Variants in PRDM2 observed in about 807,000 individuals in gnomAD.
PRDM2 encodes the protein PR domain zinc finger protein 2.
A neutral mutation model predicts 130.0 loss-of-function variants in PRDM2; 30 were observed. The ratio of observed to expected loss-of-function variants is 0.23; its 90% CI spans 0.17 to 0.31. The LOEUF (loss-of-function observed/expected upper bound fraction) is 0.31, where lower values mean the gene tolerates loss of function less well. Among genes scored for constraint, PRDM2 ranks in the 10% least tolerant of loss-of-function variants. The pLI is 1.00. For missense variants in PRDM2, 2,011 were observed against 2,108.4 expected, an observed-to-expected ratio of 0.95 and a Z score of 0.90; for synonymous variants, 871 against 782.4, an observed-to-expected ratio of 1.11 and a Z score of -1.89.
chr1:13,775,837 C>T (rs1388282555), intron 7 of PRDM2, among the ~76,000 whole-genome samples: 2 of 152,186 alleles, frequency 1.3e-5, no homozygotes, highest in South Asian at 2.1e-4. Context: ...CAGTCTTGCT[C>T]CTCGGCCTCC....
At chr1:13,798,078 G>A (rs1481862202) in intron 8 of PRDM2, among the ~76,000 whole-genome samples, 1 of 152,182 alleles carries the variant, frequency 6.6e-6, no homozygotes, top group Non-Finnish European at 1.5e-5. Flanking sequence ...ATTTCTGAGT[G>A]TCGTAGGTAA....
rs866591523 is a variant in PRDM2 at position 13,781,029 on chromosome 1, C to T, written c.3234C>T (p.Leu1078=). 3 of 1,609,146 alleles carry T rather than the reference C, an allele frequency of 1.9e-6. No individual in the cohort carries two copies. The African/African-American group carries it at 4.0e-5, about 22-fold the overall frequency. Residue 1078 remains leucine (L), a synonymous_variant, in exon 8 of 10, where the codon CTC becomes CTT. Coordinates refer to ENST00000311066, the MANE Select transcript of PRDM2 (RefSeq NM_001393986.1). This position sits in a 1 kb window ranked among gnomAD's most constrained non-coding sequence, Gnocchi z 6.1. ...CCTCTTCTCCTTCTCCACCTCCTCT[C>T]TCCGCAATATCATCTGTTGTTTCCT... ...SSSSSPSPPP[L]SAISSVVSSG...
At chr1:13,786,050 G>T (rs1644730941) in intron 8 of PRDM2, among the ~76,000 whole-genome samples, 1 of 151,864 alleles carries the variant, frequency 6.6e-6, no homozygotes, top group Non-Finnish European at 1.5e-5. Context: ...GTGTTAGCCA[G>T]GATGGTCTCG....
rs751309822 is a variant in PRDM2 at position 13,781,215 on chromosome 1, A to T, written c.3420A>T (p.Glu1140Asp). 3.1e-6 allele frequency: 5 copies of T among 1,614,094 alleles called. No homozygotes were observed. The Admixed American group carries it at 8.3e-5, about 27-fold the overall frequency. Reference sequence around the variant, plus strand: ...AAAACTTTGTTTGCAACGTCTGTGAATCACCTTTTCTTTCCATTAAAGATC... The same window carrying T: ...AAAACTTTGTTTGCAACGTCTGTGATTCACCTTTTCTTTCCATTAAAGATC... ...FNKNFVCNVC[E>D]SPFLSIKDLT... The change falls in exon 8 of 10, where the codon GAA (glutamate) becomes GAT (aspartate). Residue 1140 changes from glutamate (E) to aspartate (D), a missense_variant. By Grantham distance (45) the Glu-to-Asp change is conservative. This residue lies in a region of PRDM2 where 229 missense variants were observed against 364.1 expected (regional missense o/e 0.63). Transcript: ENST00000311066. This position sits in a 1 kb window ranked among gnomAD's most constrained non-coding sequence, Gnocchi z 6.1.
chr1:13,808,463 C>CA (rs58838331), intron 8 of PRDM2, among the ~76,000 whole-genome samples: 5,887 of 58,168 alleles, frequency 0.1, 444 homozygotes, highest in African/African-American at 0.25. Context: ...GACTCTGTCT[C>CA]AAAAAAAAAA....
chr1:13,818,994 C>T (rs1038224679), intron 9 of PRDM2, among the ~76,000 whole-genome samples: 17 of 152,162 alleles, frequency 1.1e-4, no homozygotes, highest in African/African-American at 3.6e-4. Context: ...AGACATAGGA[C>T]GTGGCTAGGG....
rs1389584094 is a variant in PRDM2, at chr1:13,760,448, G to C, written c.511+10961G>C. ...TCAGTACTTTGAAAATGGATAGCTT[G>C]TTTAAAATGAGCCTGGAGTGTGCGT... On this transcript the variant is annotated intron_variant, in intron 6 of 9. Coordinates refer to ENST00000311066, the MANE Select transcript of PRDM2 (RefSeq NM_001393986.1). Among the ~76,000 whole-genome samples, 3 of 152,300 alleles carry C rather than the reference G, an allele frequency of 2.0e-5. No individual in the cohort carries two copies. In the East Asian group the frequency reaches 5.8e-4, roughly 29 times the overall value.
rs796943881 is a variant in PRDM2, at chr1:13,787,052, T to C, written c.5036+4221T>C. ...GCTGATCTCTTACCCCTGGTATTTC[T>C]TTTTTTTGTTGTTTTCGTTTTTTTA... On this transcript the variant is annotated intron_variant, in intron 8 of 9. Transcript: ENST00000311066. 53 of 984,654 alleles carry C rather than the reference T, an allele frequency of 5.4e-5. No homozygotes were observed. In the African/African-American group the frequency reaches 8.2e-4, roughly 15 times the overall value. The allele number at this position is 984,654 out of a possible 1,614,324, so 61.0% of individuals were successfully genotyped here. A position where few individuals can be genotyped will look rare whatever the true frequency, so the allele number is the denominator to read the frequency against.
intron 8 of PRDM2, among the ~76,000 whole-genome samples, chr1:13,807,825 G>A (rs574702844): frequency 6.6e-6 from 1 of 152,296 alleles, no homozygotes; most frequent in South Asian, 2.1e-4. Context: ...ATTCTGACAA[G>A]TAAGAAATTA....
intron 2 of PRDM2, among the ~76,000 whole-genome samples, chr1:13,718,339 A>G (rs1012300347): frequency 6.6e-6 from 1 of 152,198 alleles, no homozygotes; most frequent in Non-Finnish European, 1.5e-5. Flanking sequence ...TTGTTGATAT[A>G]TGCCTGACAG....
intron 6 of PRDM2, among the ~76,000 whole-genome samples, chr1:13,750,190 A>G (rs1216664190): frequency 4.0e-5 from 6 of 151,832 alleles, no homozygotes; most frequent in Non-Finnish European, 8.8e-5. Flanking sequence ...GGAGGGGATA[A>G]TTTCTGGGTA....
At chr1:13,738,152 T>C (rs1246237271) in intron 4 of PRDM2, among the ~76,000 whole-genome samples, 1 of 152,218 alleles carries the variant, frequency 6.6e-6, no homozygotes, top group Non-Finnish European at 1.5e-5. Context: ...ATAATATTGT[T>C]AGAATATTAG....
intron 8 of PRDM2, among the ~76,000 whole-genome samples, chr1:13,804,503 T>A (rs1302636271): frequency 6.6e-6 from 1 of 152,168 alleles, no homozygotes; most frequent in Non-Finnish European, 1.5e-5. Flanking sequence ...GGCGTCTGCA[T>A]GCAGATGCCT....
rs183493416 is a variant in PRDM2 at position 13,809,367 on chromosome 1, T to C, written c.5037-7060T>C. Among the ~76,000 whole-genome samples the C allele has an allele frequency of 1.9e-3, 289 of 151,978 alleles. 2 individuals carry two copies. The highest frequency in any genetic ancestry group is 2.5e-3 in the Non-Finnish European group (173 of 67,956). ...GGCGAGAGGTGGTCCCCGACAGTGG[T>C]AGAAGAGGAAGGAAGGCGGACTCGA... On this transcript the variant is annotated intron_variant, in intron 8 of 9. Coordinates refer to ENST00000311066, the MANE Select transcript of PRDM2 (RefSeq NM_001393986.1).
In PRDM2 at chr1:13,780,034, A is replaced by C; in HGVS notation, c.2239A>C (p.Ser747Arg). 1 of 1,614,190 alleles carries C rather than the reference A, an allele frequency of 6.2e-7. No individual in the cohort carries two copies. The highest frequency in any genetic ancestry group is 8.5e-7 in the Non-Finnish European group (1 of 1,180,030). Reference sequence around the variant, plus strand: ...CTCTCCTCCCAGTTCTCCACAGCACAGTCCTGCCCTTCGAGACTTTGGAAA... The same window carrying C: ...CTCTCCTCCCAGTTCTCCACAGCACCGTCCTGCCCTTCGAGACTTTGGAAA... ...TSSPPSSPQHSPALRDFGKPS... is the reference protein window; with the variant it reads ...TSSPPSSPQHRPALRDFGKPS... The change falls in exon 8 of 10, where the codon AGT becomes CGT. Residue 747 changes from serine to arginine, a missense_variant. Coordinates refer to ENST00000311066, the MANE Select transcript of PRDM2 (RefSeq NM_001393986.1).
At chr1:13,743,182 G>A (rs934916035) in intron 5 of PRDM2, among the ~76,000 whole-genome samples, 11 of 152,084 alleles carry the variant, frequency 7.2e-5, no homozygotes, top group African/African-American at 2.4e-4. Flanking sequence ...GGCGGATCAT[G>A]AGGTCAGGAG....
At chr1:13,789,555 G>T (rs990494909) in intron 8 of PRDM2, among the ~76,000 whole-genome samples, 13 of 152,114 alleles carry the variant, frequency 8.5e-5, no homozygotes, top group African/African-American at 2.9e-4. Context: ...GATGCTTCTA[G>T]CTTAATATCT....
Position 13,823,650 on chromosome 1 carries a change from T to C in PRDM2, c.*515T>C, listed in dbSNP as rs1645388572. 1 of 160,774 alleles carries C rather than the reference T, an allele frequency of 6.2e-6. No homozygotes were observed. The highest frequency in any genetic ancestry group is 2.4e-5 in the African/African-American group (1 of 41,684). 10.0% of individuals were successfully genotyped at this position (160,774 alleles called of 1,614,324 possible). ...CCTCTCCCGGCAACATCTCTGGGAA[T>C]CAACAGCATATTGACACGTTGGAGC... is the stretch of plus-strand genomic sequence containing the variant. On this transcript the variant is annotated 3_prime_UTR_variant, in exon 10 of 10. Transcript: ENST00000311066.
At chr1:13,747,940 G>A (rs1469453990) in intron 5 of PRDM2, among the ~76,000 whole-genome samples, 1 of 152,146 alleles carries the variant, frequency 6.6e-6, no homozygotes, top group Non-Finnish European at 1.5e-5. Context: ...TGTAGGAAAA[G>A]AAAACGTTTC....
Sources: allele counts gnomAD v4.1 joint callset (sites outside exome capture counted in the v4.1 genomes callset), GRCh38; gene constraint gnomAD v4.1.1; regional missense constraint gnomAD v4.1.1; non-coding constraint Gnocchi (gnomAD v3.1); transcripts MANE v1.5; gene names NCBI Gene and HGNC (gene_info 2026-07-23, HGNC 2026-07-21).